MCFD2: variants seen among roughly 807,000 people sequenced by gnomAD.
MCFD2 encodes the protein multiple coagulation factor deficiency 2, ER cargo receptor complex subunit, also known as multiple coagulation factor deficiency protein 2.
In MCFD2, 11 loss-of-function variants were observed where a neutral mutation model predicts 12.8. The ratio of observed to expected loss-of-function variants is 0.86; its 90% confidence interval spans 0.54 to 1.42. The LOEUF is 1.42. Ranked by LOEUF, MCFD2 falls within the 40% of genes most tolerant of loss-of-function variation. The pLI is 0.00. For missense variants in MCFD2, 191 were observed against 178.6 expected (o/e 1.07, Z -0.40); for synonymous variants, 70 against 68.1 (o/e 1.03, Z -0.14).
At chr2:46,938,801 C>G (rs1670105277) in intron 1 of MCFD2, among the ~76,000 whole-genome samples, 1 of 151,282 alleles carries the variant, frequency 6.6e-6, no homozygotes. Flanking sequence ...ATCATGAGGT[C>G]AGGAGTTTGA....
chr2:46,920,292 T>C (rs1201210995), upstream of MCFD2, among the ~76,000 whole-genome samples: 1 of 152,184 alleles, frequency 6.6e-6, no homozygotes, highest in African/African-American at 2.4e-5. Flanking sequence ...GTTTGGAGTT[T>C]TTGACATTAG....
Position 46,905,302 on chromosome 2 carries a change from A to G in MCFD2, c.*161T>C, listed in dbSNP as rs1217459217. 1.3e-6 allele frequency: 1 copy of G among 754,872 alleles called. No individual in the cohort carries two copies. The highest frequency in any genetic ancestry group is 1.5e-5 in the South Asian group (1 of 67,986). 46.8% of individuals were successfully genotyped at this position (754,872 alleles called of 1,614,324 possible). A position where few individuals can be genotyped will look rare whatever the true frequency, so the allele number is the denominator to read the frequency against. ...AGATGTCCCATTTCTCTTCTCTTTC[A>G]TTTCTCTTATCTCTTCTCACCCCAG... On this transcript the variant is annotated 3_prime_UTR_variant, in exon 4 of 4. Transcript: ENST00000319466.
rs115174497 is a variant in MCFD2, at chr2:46,907,200, G to C, written c.309+610C>G. 1,058 of 159,610 alleles carry C rather than the reference G, an allele frequency of 6.6e-3. 13 individuals are homozygous for C. Among genetic ancestry groups the C allele is most frequent in the African/African-American group, 0.024 (987 of 41,546 alleles). The allele number at this position is 159,610 out of a possible 1,614,324, so 9.9% of individuals were successfully genotyped here. On this transcript the variant is annotated intron_variant, in intron 3 of 3. Coordinates refer to ENST00000319466, the MANE Select transcript of MCFD2 (RefSeq NM_139279.6). The surrounding 1 kb of genome is among the most constrained non-coding windows in gnomAD (Gnocchi z 4.1). Reference sequence around the variant, plus strand: ...CTCCCTTGCTCTGCAGTTTGAATACGGTCTGTCTTTTAGGCACTGATTCTC... The same window carrying C: ...CTCCCTTGCTCTGCAGTTTGAATACCGTCTGTCTTTTAGGCACTGATTCTC...
At chr2:46,912,952 T>G (rs1263877761) in intron 1 of MCFD2, among the ~76,000 whole-genome samples, 1 of 152,226 alleles carries the variant, frequency 6.6e-6, no homozygotes, top group African/African-American at 2.4e-5. Flanking sequence ...ATCATGGAAC[T>G]CATGGCACCA....
intron 1 of MCFD2, among the ~76,000 whole-genome samples, chr2:46,923,041 G>A (rs1669187101): frequency 6.6e-6 from 1 of 152,202 alleles, no homozygotes; most frequent in Non-Finnish European, 1.5e-5. Context: ...GATACATAGG[G>A]TGAGGTCTGG....
chr2:46,939,861 G>C (rs1670186169), intron 1 of MCFD2, among the ~76,000 whole-genome samples: 1 of 152,224 alleles, frequency 6.6e-6, no homozygotes, highest in South Asian at 2.1e-4. Flanking sequence ...TTTACAGACT[G>C]CTTGACTAAA....
chr2:46,909,218 G>A (rs1290797642), intron 1 of MCFD2, 41 bp from the exon 2 acceptor site: 2 of 1,594,290 alleles, frequency 1.3e-6, no homozygotes, highest in Non-Finnish European at 1.7e-6. Flanking sequence ...CAGAGCATCA[G>A]AGCAAAGGTT....
chr2:46,922,354 G>A (rs1317368689), intron 1 of MCFD2, among the ~76,000 whole-genome samples: 1 of 152,160 alleles, frequency 6.6e-6, no homozygotes, highest in Non-Finnish European at 1.5e-5. Context: ...GTCTATGGGA[G>A]TCCTATGTGG....
intron 1 of MCFD2, among the ~76,000 whole-genome samples, chr2:46,920,927 G>T (rs1669071700): frequency 1.3e-5 from 2 of 150,382 alleles, no homozygotes; most frequent in Non-Finnish European, 3.0e-5. Flanking sequence ...AAAACTATAT[G>T]ATAATTTTAA....
At chr2:46,927,017 A>G (rs1238353937) in intron 1 of MCFD2, among the ~76,000 whole-genome samples, 1 of 152,242 alleles carries the variant, frequency 6.6e-6, no homozygotes, top group East Asian at 1.9e-4. Context: ...AGAGAGAATC[A>G]GTAAATTGGA....
chr2:46,906,074 T>G, intron 3 of MCFD2: 1 of 460,354 alleles, frequency 2.2e-6, no homozygotes, highest in South Asian at 1.6e-5. Context: ...CCTGTTATGA[T>G]CTTTGAGGAG....
Position 46,907,692 on chromosome 2 carries a change from C to A in MCFD2, c.309+118G>T. 9.0e-7 allele frequency: 1 copy of A among 1,107,636 alleles called. No homozygotes were observed. Among genetic ancestry groups the A allele is most frequent in the Non-Finnish European group, 1.4e-6 (1 of 736,018 alleles). The allele number at this position is 1,107,636 out of a possible 1,614,324, so 68.6% of individuals were successfully genotyped here. ...GATTACAGATGCGAGCCATCATGCC[C>A]AGTGGAGAAGCAGCACTCTTGGCAC... On this transcript the variant is annotated intron_variant, in intron 3 of 3. Transcript: ENST00000319466. The surrounding 1 kb of genome is among the most constrained non-coding windows in gnomAD (Gnocchi z 4.1).
chr2:46,906,639 G>A (rs1668252852), intron 3 of MCFD2, among the ~76,000 whole-genome samples: 7 of 151,516 alleles, frequency 4.6e-5, no homozygotes, highest in Admixed American at 4.6e-4. Flanking sequence ...TGGGATTACA[G>A]GCAAGCATCA....
At position 46,902,607 on chromosome 2, in the gene MCFD2, C is replaced by G. The variant is rs1362666443; in HGVS notation, c.*2856G>C. ...AAATCTGAAAGAGTCATCACTTAAG[C>G]CAGTAGTGTATCATTTCCAAAATGT... On this transcript the variant is annotated 3_prime_UTR_variant, in exon 4 of 4. Coordinates refer to ENST00000319466, the MANE Select transcript of MCFD2 (RefSeq NM_139279.6). 1 of 152,638 alleles carries G rather than the reference C, an allele frequency of 6.6e-6. No individual in the cohort carries two copies. Among genetic ancestry groups the G allele is most frequent in the Admixed American group, 6.5e-5 (1 of 15,276 alleles). 9.5% of individuals were successfully genotyped at this position (152,638 alleles called of 1,614,324 possible). A position where few individuals can be genotyped will look rare whatever the true frequency, so the allele number is the denominator to read the frequency against.
chr2:46,906,566 G>C (rs1558460836), intron 3 of MCFD2, among the ~76,000 whole-genome samples: 1 of 140,832 alleles, frequency 7.1e-6, no homozygotes, highest in Non-Finnish European at 1.5e-5. Flanking sequence ...GCTCACTGCA[G>C]CCTCGACCTC....
upstream of MCFD2, among the ~76,000 whole-genome samples, chr2:46,919,800 C>G (rs1275627991): frequency 1.3e-5 from 2 of 152,222 alleles, no homozygotes; most frequent in African/African-American, 4.8e-5. Flanking sequence ...GAACTTAATA[C>G]ACTGCCACCA....
At chr2:46,925,410 T>G (rs1055096452) in intron 1 of MCFD2, among the ~76,000 whole-genome samples, 3 of 152,050 alleles carry the variant, frequency 2.0e-5, no homozygotes, top group Non-Finnish European at 4.4e-5. Flanking sequence ...ATACAAAAAT[T>G]AGCCGGGCAT....
In MCFD2 at chr2:46,940,368, C is replaced by T. The variant is rs1670225080; in HGVS notation, c.-8+1204G>A. Among the ~76,000 whole-genome samples, 1 of 152,138 alleles carries T rather than the reference C, an allele frequency of 6.6e-6. No homozygotes were observed. The highest frequency in any genetic ancestry group is 2.1e-4 in the South Asian group (1 of 4,830). ...GGTTTCGGGTCTTGCTGTGGCTTCT[C>T]CAGCACTGGTCTGTGAGCTGCGGCG... On this transcript the variant is annotated intron_variant, in intron 1 of 2. Coordinates refer to the MCFD2 transcript ENST00000409147. This position sits in a 1 kb window ranked among gnomAD's most constrained non-coding sequence, Gnocchi z 4.7.
intron 1 of MCFD2, among the ~76,000 whole-genome samples, chr2:46,935,183 C>T (rs922214378): frequency 6.6e-6 from 1 of 152,054 alleles, no homozygotes; most frequent in Admixed American, 6.6e-5. Context: ...AAGGCTTGTC[C>T]CTGCTGGAAA....
Sources: allele counts gnomAD v4.1 joint callset (sites outside exome capture counted in the v4.1 genomes callset), GRCh38; gene constraint gnomAD v4.1.1; non-coding constraint Gnocchi (gnomAD v3.1); transcripts MANE v1.5; gene names NCBI Gene and HGNC (gene_info 2026-07-23, HGNC 2026-07-21).